Variants in NUP210L observed in about 807,000 individuals in gnomAD.
NUP210L encodes the protein nucleoporin 210 like.
NUP210L carries 74 observed loss-of-function variants against 208.5 expected under a neutral mutation model. The ratio of observed to expected loss-of-function variants is 0.35; its 90% CI spans 0.29 to 0.43. NUP210L has a LOEUF of 0.43. NUP210L is among the 20% of genes least tolerant of loss of function. The probability of loss-of-function intolerance (pLI) is 1.00; values close to 1 mark genes in which losing one functional copy is unlikely to be tolerated. For synonymous variants in NUP210L, 780 were observed against 816.9 expected (o/e 0.95, Z 0.77); for missense variants, 1,843 against 2,289.4 (o/e 0.81, Z 3.98).
At chr1:154,129,336 A>G (rs1658135210) in exon 8 of NUP210L, 2 of 1,608,414 alleles carry the variant, frequency 1.2e-6, no homozygotes, top group Non-Finnish European at 1.7e-6. Context: ...CACAGATCGC[A>G]TATGAACATC....
At chr1:154,130,375 C>T (rs1469122506) in intron 7 of NUP210L, among the ~76,000 whole-genome samples, 2 of 151,640 alleles carry the variant, frequency 1.3e-5, no homozygotes, top group Non-Finnish European at 2.9e-5. Context: ...CATGTTCAAG[C>T]GATTCTTCTG....
At chr1:154,062,523 T>C (rs943728391) in intron 17 of NUP210L, among the ~76,000 whole-genome samples, 2 of 151,906 alleles carry the variant, frequency 1.3e-5, no homozygotes, top group Admixed American at 6.6e-5. Flanking sequence ...CTCTTTCTTT[T>C]CTTTCCTCTT....
intron 16 of NUP210L, among the ~76,000 whole-genome samples, chr1:154,085,100 C>A (rs1167059375): frequency 1.4e-5 from 2 of 144,330 alleles, no homozygotes; most frequent in Non-Finnish European, 3.1e-5. Context: ...GTAATCCCAG[C>A]ACTTTGGGAG....
At chr1:154,036,675 T>TA (rs1652574715) in intron 27 of NUP210L, among the ~76,000 whole-genome samples, 2 of 151,978 alleles carry the variant, frequency 1.3e-5, no homozygotes, top group African/African-American at 4.8e-5. Flanking sequence ...AGAACATACA[T>TA]ATTTTTAAGA....
intron 37 of NUP210L, among the ~76,000 whole-genome samples, chr1:153,997,110 C>T (rs950747085): frequency 1.3e-5 from 2 of 151,908 alleles, no homozygotes; most frequent in Admixed American, 1.3e-4. Flanking sequence ...ATTACAGGGG[C>T]CCGCCACCAC....
At chr1:154,127,344 A>G (rs1283283943) in exon 9 of NUP210L, 1 of 1,603,562 alleles carries the variant, frequency 6.2e-7, no homozygotes, top group Non-Finnish European at 8.5e-7. Flanking sequence ...TGCTTTTATC[A>G]AAGACGTCTA....
chr1:154,019,930 A>AAAAC (rs776763489), intron 32 of NUP210L, among the ~76,000 whole-genome samples: 2 of 152,210 alleles, frequency 1.3e-5, no homozygotes, highest in African/African-American at 2.4e-5. Context: ...CTGTCTCAAA[A>AAAAC]AAACAAACAA....
intron 27 of NUP210L, among the ~76,000 whole-genome samples, chr1:154,037,491 A>C (rs1652620259): frequency 6.6e-6 from 1 of 152,152 alleles, no homozygotes; most frequent in African/African-American, 2.4e-5. Context: ...TAATGTAAAT[A>C]TAACCATTCC....
exon 27 of NUP210L, chr1:154,046,132 C>A: frequency 6.2e-7 from 1 of 1,614,020 alleles, no homozygotes; most frequent in South Asian, 1.1e-5. Context: ...GGAATGTGAG[C>A]CCAGGATTAG....
intron 13 of NUP210L, among the ~76,000 whole-genome samples, chr1:154,100,515 G>GTT (rs59904207): frequency 1.1e-4 from 6 of 53,328 alleles, no homozygotes; most frequent in African/African-American, 2.1e-4. Context: ...TTTTGGCTTT[G>GTT]TTTTTTTTTT....
exon 29 of NUP210L, chr1:154,027,574 G>C: frequency 6.2e-7 from 1 of 1,613,278 alleles, no homozygotes; most frequent in Non-Finnish European, 8.5e-7. Context: ...ACTCTGGATA[G>C]AAGAGTTGGA....
intron 14 of NUP210L, among the ~76,000 whole-genome samples, chr1:154,099,232 G>T (rs1656331721): frequency 6.6e-6 from 1 of 152,106 alleles, no homozygotes; most frequent in Non-Finnish European, 1.5e-5. Flanking sequence ...GGGCAGGGGT[G>T]CATCTCCTGC....
chr1:154,009,975 T>A lies in NUP210L; in HGVS notation c.4927A>T (p.Lys1643Ter). The change falls in exon 35 of 40, where the codon AAA becomes TAA. Residue 1643 changes from lysine to a stop codon, truncating the protein, a stop_gained. Transcript: ENST00000368559. LOFTEE classifies it high-confidence loss of function. ...AGATTCAACTGGTGTAACTTACCTTTCTCCATACTGAAATCTGAATGGACC... is the reference window on the plus strand; with the variant it reads ...AGATTCAACTGGTGTAACTTACCTTACTCCATACTGAAATCTGAATGGACC... 1 of 1,608,194 alleles carries A rather than the reference T, an allele frequency of 6.2e-7. No individual in the cohort carries two copies. The highest frequency in any genetic ancestry group is 8.5e-7 in the Non-Finnish European group (1 of 1,177,492).
intron 12 of NUP210L, among the ~76,000 whole-genome samples, chr1:154,113,664 C>T (rs572038970): frequency 2.6e-5 from 4 of 151,236 alleles, no homozygotes; most frequent in South Asian, 2.1e-4. Flanking sequence ...TCAACACCAG[C>T]CTGGCCAATA....
At chr1:154,011,678 A>ATT in intron 34 of NUP210L, among the ~76,000 whole-genome samples, 1 of 124,152 alleles carries the variant, frequency 8.1e-6, no homozygotes, top group African/African-American at 3.0e-5. Context: ...AATTATCTTA[A>ATT]GTTTTTTTTT....
intron 38 of NUP210L, 23 bp downstream of exon 38, chr1:153,995,053 G>A (rs775365016): frequency 3.8e-6 from 5 of 1,309,752 alleles, no homozygotes; most frequent in African/African-American, 3.0e-5. Context: ...CAAAGTCTAT[G>A]TTATTGAATA....
chr1:153,993,567 GAAA>G (rs1211758853), intron 38 of NUP210L, among the ~76,000 whole-genome samples: 2 of 122,868 alleles, frequency 1.6e-5, no homozygotes, highest in Non-Finnish European at 3.5e-5. Context: ...CTCTGTCTCA[GAAA>G]AAAAAAAAAA....
At chr1:154,051,449 C>T (rs528977177) in intron 25 of NUP210L, among the ~76,000 whole-genome samples, 4 of 152,214 alleles carry the variant, frequency 2.6e-5, no homozygotes, top group East Asian at 3.9e-4. Flanking sequence ...CTCCTGACCT[C>T]GTTATCCAAC....
intron 35 of NUP210L, among the ~76,000 whole-genome samples, chr1:154,006,966 ATTTTTT>A (rs1196661554): frequency 4.3e-5 from 5 of 115,786 alleles, no homozygotes; most frequent in African/African-American, 1.6e-4. Context: ...ATATATATAT[ATTTTTT>A]TTTTTTTTTT....
Sources: allele counts gnomAD v4.1 joint callset (sites outside exome capture counted in the v4.1 genomes callset), GRCh38; gene constraint gnomAD v4.1.1; transcripts MANE v1.5; gene names NCBI Gene and HGNC (gene_info 2026-07-23, HGNC 2026-07-21).